HNF4G: variants seen among roughly 807,000 people sequenced by gnomAD.
HNF4G encodes hepatocyte nuclear factor 4 gamma, also known as hepatocyte nuclear factor 4-gamma.
A neutral mutation model predicts 50.9 loss-of-function variants in HNF4G; 21 were observed. The observed-to-expected ratio is 0.41, with a 90% CI of 0.29 to 0.59. HNF4G has a LOEUF of 0.59. HNF4G is among the 20% of genes least tolerant of loss of function. HNF4G has a pLI of 0.26. For missense variants in HNF4G, 527 were observed against 559.4 expected, an observed-to-expected ratio of 0.94 and a Z score of 0.58; for synonymous variants, 198 against 185.6, an observed-to-expected ratio of 1.07 and a Z score of -0.54.
At chr8:75,435,266 G>A (rs561164847) in intron 1 of HNF4G, among the ~76,000 whole-genome samples, 2 of 152,248 alleles carry the variant, frequency 1.3e-5, no homozygotes, top group South Asian at 4.1e-4. Flanking sequence ...ATCTACTAAT[G>A]TATTCACCAA....
At chr8:75,454,100 T>C (rs1165971492) in intron 1 of HNF4G, among the ~76,000 whole-genome samples, 1 of 133,086 alleles carries the variant, frequency 7.5e-6, no homozygotes, top group Non-Finnish European at 1.6e-5. Flanking sequence ...CCTCTCTTCC[T>C]TTCTCCCTCT....
intron 2 of HNF4G, among the ~76,000 whole-genome samples, chr8:75,519,664 T>A (rs1005041892): frequency 6.6e-6 from 1 of 152,170 alleles, no homozygotes; most frequent in Admixed American, 6.5e-5. Flanking sequence ...TCCCACTGGG[T>A]CCCTGTCATG....
intron 1 of HNF4G, among the ~76,000 whole-genome samples, chr8:75,424,442 A>G (rs1031594067): frequency 6.6e-6 from 1 of 152,116 alleles, no homozygotes; most frequent in Non-Finnish European, 1.5e-5. Context: ...TTACAAGGGT[A>G]TATTGGATAA....
intron 1 of HNF4G, among the ~76,000 whole-genome samples, chr8:75,424,121 C>T (rs935409887): frequency 1.3e-5 from 2 of 151,956 alleles, no homozygotes; most frequent in Non-Finnish European, 2.9e-5. Context: ...GCACCCGGCC[C>T]TGTCCAGTTT....
rs2941451 is a variant in HNF4G at position 75,529,008 on chromosome 8, C to T, written c.-23-14803C>T. ...CACTTTAAAAACCTCAGATCTCTGC[C>T]GGGCGCGGTGGCTAACGCCTGTAAT... is the stretch of plus-strand genomic sequence containing the variant. On this transcript the variant is annotated intron_variant, in intron 2 of 10. Coordinates refer to the HNF4G transcript ENST00000354370. Among the ~76,000 whole-genome samples the T allele has an allele frequency of 7.0e-3, 1,067 of 152,128 alleles. 1 individual carries two copies. Among genetic ancestry groups the T allele is most frequent in the Non-Finnish European group, 1.0e-2 (677 of 67,984 alleles).
intron 1 of HNF4G, among the ~76,000 whole-genome samples, chr8:75,479,987 T>C (rs957894831): frequency 1.2e-4 from 18 of 152,088 alleles, no homozygotes; most frequent in African/African-American, 4.3e-4. Context: ...CCTTAACTTT[T>C]TTTTTTTGAT....
intron 1 of HNF4G, among the ~76,000 whole-genome samples, chr8:75,449,390 A>G (rs1207891278): frequency 1.3e-5 from 2 of 148,918 alleles, no homozygotes; most frequent in African/African-American, 5.2e-5. Flanking sequence ...GGTTTAATTA[A>G]CTAAAAAAAC....
At chr8:75,429,120 C>G (rs1563502584) in intron 1 of HNF4G, among the ~76,000 whole-genome samples, 1 of 152,114 alleles carries the variant, frequency 6.6e-6, no homozygotes, top group Non-Finnish European at 1.5e-5. Context: ...TTCTAAGTTT[C>G]TAGCTTGCCT....
At chr8:75,511,681 C>T (rs1407286848) in intron 2 of HNF4G, among the ~76,000 whole-genome samples, 2 of 152,230 alleles carry the variant, frequency 1.3e-5, no homozygotes, top group African/African-American at 4.8e-5. Context: ...AGCTCTGCCT[C>T]CCGGGTTCAC....
intron 2 of HNF4G, among the ~76,000 whole-genome samples, chr8:75,521,368 C>T (rs77759349): frequency 0.017 from 2,544 of 152,238 alleles, 59 homozygotes; most frequent in African/African-American, 0.058. Context: ...AAATTATTTG[C>T]TTGATAGCAG....
chr8:75,437,748 T>C (rs10099438), intron 1 of HNF4G, among the ~76,000 whole-genome samples: 6 of 151,756 alleles, frequency 4.0e-5, no homozygotes, highest in African/African-American at 1.5e-4. Flanking sequence ...TATAAAAACA[T>C]GGACATAAAA....
chr8:75,443,125 T>A (rs1261447883), intron 1 of HNF4G, among the ~76,000 whole-genome samples: 2 of 152,126 alleles, frequency 1.3e-5, no homozygotes, highest in Non-Finnish European at 2.9e-5. Flanking sequence ...GCTAGTCTCT[T>A]CTACCATGTG....
At chr8:75,507,388 G>C (rs891951854) in intron 2 of HNF4G, among the ~76,000 whole-genome samples, 1 of 151,632 alleles carries the variant, frequency 6.6e-6, no homozygotes, top group Non-Finnish European at 1.5e-5. Flanking sequence ...AGCCTCCCGA[G>C]TAGCTGGGAT....
At chr8:75,490,477 G>A (rs1812600200) in intron 2 of HNF4G, among the ~76,000 whole-genome samples, 1 of 152,042 alleles carries the variant, frequency 6.6e-6, no homozygotes, top group Non-Finnish European at 1.5e-5. Context: ...TATCATAAAT[G>A]TTTATATGCA....
chr8:75,474,630 A>C (rs1248585492), intron 1 of HNF4G, among the ~76,000 whole-genome samples: 1 of 152,168 alleles, frequency 6.6e-6, no homozygotes, highest in African/African-American at 2.4e-5. Flanking sequence ...AATTCAGAGG[A>C]AATTCAGAGG....
chr8:75,421,110 A>G (rs1810765259), intron 1 of HNF4G, among the ~76,000 whole-genome samples: 2 of 152,224 alleles, frequency 1.3e-5, no homozygotes, highest in Admixed American at 1.3e-4. Flanking sequence ...TAATCATTTC[A>G]ATGTATAGCC....
rs1323343581 is a variant in HNF4G at position 75,560,333 on chromosome 8, A to G, written c.1124-11A>G. ...AATATCACTAACACAGCATCTTTTT[A>G]TCTTTTGTAGGGGCTTCCAATGATG... On this transcript the variant is annotated splice_polypyrimidine_tract_variant and intron_variant, in intron 8 of 9. Coordinates refer to ENST00000396423, the MANE Select transcript of HNF4G (RefSeq NM_004133.5). 1.9e-6 allele frequency: 3 copies of G among 1,611,872 alleles called. No homozygotes were observed. Among genetic ancestry groups the G allele is most frequent in the East Asian group, 2.2e-5 (1 of 44,796 alleles).
chr8:75,471,817 T>G lies in HNF4G; in HGVS notation c.-143-18272T>G, dbSNP rs11994097. Among the ~76,000 whole-genome samples the G allele has an allele frequency of 6.5e-3, 986 of 152,316 alleles. 4 individuals carry two copies. Among genetic ancestry groups the G allele is most frequent in the African/African-American group, 0.019 (782 of 41,568 alleles). ...AGTGTACTCCCAATGTTGTGAGGAT[T>G]AATTAAGGTGAAATTGGGGAAACCT... On this transcript the variant is annotated intron_variant, in intron 1 of 10. Transcript: ENST00000354370.
intron 9 of HNF4G, among the ~76,000 whole-genome samples, chr8:75,563,103 A>G (rs1807360365): frequency 6.6e-6 from 1 of 152,172 alleles, no homozygotes; most frequent in Admixed American, 6.6e-5. Flanking sequence ...CATAAGCTAT[A>G]AAGTTTACAA....
Sources: allele counts gnomAD v4.1 joint callset (sites outside exome capture counted in the v4.1 genomes callset), GRCh38; gene constraint gnomAD v4.1.1; transcripts MANE v1.5; gene names NCBI Gene and HGNC (gene_info 2026-07-23, HGNC 2026-07-21).